The following ZNF559 variants were observed in gnomAD, a reference collection of about 807,000 sequenced individuals.
ZNF559 encodes putative protein product of Nbla00121.
Under a neutral mutation model 14.2 loss-of-function variants are expected in ZNF559, and 17 were observed. The observed-to-expected ratio is 1.20, with a 90% CI of 0.82 to 1.80. The LOEUF is 1.80. Ranked by LOEUF, ZNF559 falls within the 40% of genes most tolerant of loss-of-function variation. The probability of loss-of-function intolerance (pLI) is 0.00; values close to 1 mark genes in which losing one functional copy is unlikely to be tolerated. For missense variants in ZNF559, 740 were observed against 629.7 expected, an observed-to-expected ratio of 1.18 and a Z score of -1.88; for synonymous variants, 244 against 212.4, an observed-to-expected ratio of 1.15 and a Z score of -1.29.
intron 2 of ZNF559, among the ~76,000 whole-genome samples, chr19:9,332,055 T>A (rs990248374): frequency 6.6e-6 from 1 of 152,220 alleles, no homozygotes; most frequent in Non-Finnish European, 1.5e-5. Context: ...TGTAATACAG[T>A]TAAAAAGCAG....
intron 2 of ZNF559, among the ~76,000 whole-genome samples, chr19:9,326,340 C>T (rs1031111322): frequency 6.6e-6 from 1 of 152,220 alleles, no homozygotes; most frequent in East Asian, 1.9e-4. Flanking sequence ...CTCCTGACCT[C>T]GTGATCTGCC....
At position 9,343,893 on chromosome 19, in the gene ZNF559, T is replaced by A; in HGVS notation, c.*825T>A. The A allele has an allele frequency of 1.0e-5, 8 of 803,460 alleles. No individual in the cohort carries two copies. The highest frequency in any genetic ancestry group is 1.1e-5 in the Non-Finnish European group (7 of 664,208). The allele number at this position is 803,460 out of a possible 1,614,324, so 49.8% of individuals were successfully genotyped here. A position where few individuals can be genotyped will look rare whatever the true frequency, so the allele number is the denominator to read the frequency against. On this transcript the variant is annotated 3_prime_UTR_variant, in exon 7 of 7. Transcript: ENST00000603380. Reference sequence around the variant, plus strand: ...TCACGGTTACAGATGGAACTCTTTATTATTGAGGAGTTCCACTCTTTCCCC... The same window carrying A: ...TCACGGTTACAGATGGAACTCTTTAATATTGAGGAGTTCCACTCTTTCCCC...
intron 3 of ZNF559, 127 bp from the exon 4 acceptor site, chr19:9,338,367 G>A: frequency 1.5e-6 from 1 of 676,998 alleles, no homozygotes; most frequent in Non-Finnish European, 2.5e-6. Context: ...AGGTGAGACA[G>A]GCTGCTCAGG....
chr19:9,343,894 T>C lies in ZNF559; in HGVS notation c.*826T>C. 1 of 803,058 alleles carries C rather than the reference T, an allele frequency of 1.2e-6. No individual in the cohort carries two copies. Among genetic ancestry groups the C allele is most frequent in the Non-Finnish European group, 1.5e-6 (1 of 663,998 alleles). 49.7% of individuals were successfully genotyped at this position (803,058 alleles called of 1,614,324 possible). On this transcript the variant is annotated 3_prime_UTR_variant, in exon 7 of 7. Coordinates refer to ENST00000603380, the MANE Select transcript of ZNF559 (RefSeq NM_032497.3). ...CACGGTTACAGATGGAACTCTTTAT[T>C]ATTGAGGAGTTCCACTCTTTCCCCC...
At chr19:9,338,366 A>T in intron 3 of ZNF559, 128 bp from the exon 4 acceptor site, 1 of 671,718 alleles carries the variant, frequency 1.5e-6, no homozygotes, top group Non-Finnish European at 2.5e-6. Context: ...CAGGTGAGAC[A>T]GGCTGCTCAG....
In ZNF559 at chr19:9,343,277, T is replaced by TA; in HGVS notation, c.*210dup. The TA allele has an allele frequency of 7.3e-7, 1 of 1,366,614 alleles. No homozygotes were observed. Among genetic ancestry groups the TA allele is most frequent in the Non-Finnish European group, 9.4e-7 (1 of 1,060,742 alleles). 84.7% of individuals were successfully genotyped at this position (1,366,614 alleles called of 1,614,324 possible). On this transcript the variant is annotated 3_prime_UTR_variant, in exon 7 of 7. Coordinates refer to ENST00000603380, the MANE Select transcript of ZNF559 (RefSeq NM_032497.3). The stretch of plus-strand genomic sequence containing the variant: ...TCTTGGCTCCTTCCATAGGCCTTAC[T>TA]ATTCATGTGTCTGTGCATCCTAGGA...
At chr19:9,325,027 G>T (rs998827540) in intron 2 of ZNF559, among the ~76,000 whole-genome samples, 1 of 152,196 alleles carries the variant, frequency 6.6e-6, no homozygotes, top group Non-Finnish European at 1.5e-5. Context: ...TCCCCCAGAG[G>T]TTCAAAACGA....
chr19:9,345,669 A>G lies in ZNF559; in HGVS notation c.*2601A>G, dbSNP rs568406950. On this transcript the variant is annotated 3_prime_UTR_variant, in exon 7 of 7. Transcript: ENST00000603380. ...TTTATTTATTTTTATTTTTTTTTAT[A>G]TAGAGACAGGGTTTTACTCTGTCTC... 7.7e-4 allele frequency: 115 copies of G among 148,470 alleles called. No individual in the cohort carries two copies. Among genetic ancestry groups the G allele is most frequent in the African/African-American group, 2.7e-3 (108 of 40,366 alleles). The allele number at this position is 148,470 out of a possible 1,614,324, so 9.2% of individuals were successfully genotyped here. A position where few individuals can be genotyped will look rare whatever the true frequency, so the allele number is the denominator to read the frequency against.
At position 9,343,314 on chromosome 19, in the gene ZNF559, C is replaced by A; in HGVS notation, c.*246C>A. 1 of 1,273,104 alleles carries A rather than the reference C, an allele frequency of 7.9e-7. No homozygotes were observed. Among genetic ancestry groups the A allele is most frequent in the Non-Finnish European group, 9.9e-7 (1 of 1,005,674 alleles). 78.9% of individuals were successfully genotyped at this position (1,273,104 alleles called of 1,614,324 possible). On this transcript the variant is annotated 3_prime_UTR_variant, in exon 7 of 7. Transcript: ENST00000603380. ...TGTGCATCCTAGGAAACAAACTGAA[C>A]GTAGGAAACCTGTCGATGCTTACAT...
upstream of ZNF559, chr19:9,323,978 T>C (rs1366728012): frequency 4.2e-5 from 25 of 593,156 alleles, no homozygotes; most frequent in East Asian, 7.0e-4. Context: ...TCTAATTCTT[T>C]GTTCAAAACG....
At chr19:9,326,473 C>G (rs374748668) in intron 2 of ZNF559, among the ~76,000 whole-genome samples, 189 of 152,266 alleles carry the variant, frequency 1.2e-3, no homozygotes, top group African/African-American at 4.4e-3. Context: ...CTGCCGTTCT[C>G]ATGCAATGAT....
chr19:9,340,047 A>T (rs918479777), intron 5 of ZNF559, among the ~76,000 whole-genome samples: 1 of 150,440 alleles, frequency 6.6e-6, no homozygotes, highest in African/African-American at 2.5e-5. Context: ...CGGCCTCCCA[A>T]AGTGCTCGGA....
At position 9,342,263 on chromosome 19, in the gene ZNF559, A is replaced by G. The variant is rs1345911674; in HGVS notation, c.812A>G (p.His271Arg). The G allele has an allele frequency of 5.7e-6, 9 of 1,584,260 alleles. No individual in the cohort carries two copies. Among genetic ancestry groups the G allele is most frequent in the African/African-American group, 2.7e-5 (2 of 73,240 alleles). ...CATAGTAGAGTGTTACCTATAGAAC[A>G]TAAGAAATTTGGCAAAGCCTTTGCT... is the stretch of plus-strand genomic sequence containing the variant. Reference protein sequence around the residue: ...RTHSRVLPIEHKKFGKAFAFS... With the variant: ...RTHSRVLPIERKKFGKAFAFS... Residue 271 changes from histidine (H) to arginine (R), a missense_variant, in exon 7 of 7, where the codon CAT (histidine) becomes CGT (arginine). Transcript: ENST00000603380.
In ZNF559 at chr19:9,342,924, GC is replaced by G. The variant is rs779641564; in HGVS notation, c.1476del (p.Phe493LeufsTer20). 1.2e-6 allele frequency: 2 copies of G among 1,614,150 alleles called. No homozygotes were observed. Among genetic ancestry groups the G allele is most frequent in the African/African-American group, 2.7e-5 (2 of 75,036 alleles). On this transcript the variant is annotated frameshift_variant, in exon 7 of 7. Coordinates refer to ENST00000603380, the MANE Select transcript of ZNF559 (RefSeq NM_032497.3). LOFTEE classifies it low-confidence loss of function (END_TRUNC). ...ACATGAGAACTCACACTGGTGAACG[GC>G]CCTTTGAATGTCAGGAATGTGGGAA... The part of the protein sequence containing the change: ...VHMRTHTGER[P>X]FECQECGKAF...
chr19:9,341,310 C>A, intron 6 of ZNF559, 126 bp downstream of exon 6: 1 of 933,786 alleles, frequency 1.1e-6, no homozygotes. Context: ...CAAAAATAAT[C>A]TGTCTCTTGG....
Position 9,342,713 on chromosome 19 carries a change from C to G in ZNF559, c.1262C>G (p.Ser421Cys). 1.2e-6 allele frequency: 2 copies of G among 1,614,164 alleles called. No individual in the cohort carries two copies. The highest frequency in any genetic ancestry group is 1.7e-6 in the Non-Finnish European group (2 of 1,180,026). Residue 421 changes from serine (S) to cysteine (C), a missense_variant, in exon 7 of 7, where the codon TCC becomes TGC. Transcript: ENST00000603380. ...CQQCGKAFIR[S>C]SFLIRHLRSH... ...CAGTGTGGGAAAGCCTTCATTCGATCCTCATTTCTTATTCGACATTTGAGA... is the reference window on the plus strand; with the variant it reads ...CAGTGTGGGAAAGCCTTCATTCGATGCTCATTTCTTATTCGACATTTGAGA...
chr19:9,342,291 T>A lies in ZNF559; in HGVS notation c.840T>A (p.Phe280Leu). The A allele has an allele frequency of 6.3e-7, 1 of 1,588,594 alleles. No individual in the cohort carries two copies. The highest frequency in any genetic ancestry group is 8.5e-7 in the Non-Finnish European group (1 of 1,171,314). Reference sequence around the variant, plus strand: ...AGAAATTTGGCAAAGCCTTTGCTTTTTCCCCAGATCTTGCTAAACATATAA... The same window carrying A: ...AGAAATTTGGCAAAGCCTTTGCTTTATCCCCAGATCTTGCTAAACATATAA... Reference protein sequence around the residue: ...EHKKFGKAFAFSPDLAKHIRL... With the variant: ...EHKKFGKAFALSPDLAKHIRL... The change falls in exon 7 of 7, where the codon TTT (phenylalanine) becomes TTA (leucine). Residue 280 changes from phenylalanine to leucine, a missense_variant. Coordinates refer to ENST00000603380, the MANE Select transcript of ZNF559 (RefSeq NM_032497.3).
At chr19:9,335,735 A>G (rs990662905) in intron 2 of ZNF559, among the ~76,000 whole-genome samples, 1 of 152,148 alleles carries the variant, frequency 6.6e-6, no homozygotes, top group Non-Finnish European at 1.5e-5. Context: ...GGGTTTTACC[A>G]TGTTGCCCAG....
chr19:9,342,690 G>A lies in ZNF559; in HGVS notation c.1239G>A (p.Gln413=). 1 of 1,614,044 alleles carries A rather than the reference G, an allele frequency of 6.2e-7. No individual in the cohort carries two copies. The highest frequency in any genetic ancestry group is 8.5e-7 in the Non-Finnish European group (1 of 1,180,004). The part of the protein sequence containing the change: ...HPGVKPYDCQ[Q]CGKAFIRSSF... ...GTGTAAAACCCTATGACTGTCAACAGTGTGGGAAAGCCTTCATTCGATCCT... is the reference window on the plus strand; with the variant it reads ...GTGTAAAACCCTATGACTGTCAACAATGTGGGAAAGCCTTCATTCGATCCT... Residue 413 remains glutamine (Q), a synonymous_variant, in exon 7 of 7, where the codon CAG becomes CAA. Transcript: ENST00000603380.
Sources: allele counts gnomAD v4.1 joint callset (sites outside exome capture counted in the v4.1 genomes callset), GRCh38; gene constraint gnomAD v4.1.1; transcripts MANE v1.5; gene names NCBI Gene and HGNC (gene_info 2026-07-23, HGNC 2026-07-21).